The following DDAH1 variants were observed in gnomAD, a reference collection of about 807,000 sequenced individuals.
DDAH1 encodes the protein N(G),N(G)-dimethylarginine dimethylaminohydrolase 1.
A neutral mutation model predicts 28.8 loss-of-function variants in DDAH1; 19 were observed. The ratio of observed to expected loss-of-function variants is 0.66; its 90% CI spans 0.46 to 0.97. The LOEUF (loss-of-function observed/expected upper bound fraction) is 0.97, where lower values mean the gene tolerates loss of function less well. DDAH1 is among the 50% of genes least tolerant of loss of function. The pLI is 0.00. For synonymous variants in DDAH1, 153 were observed against 154.4 expected, an observed-to-expected ratio of 0.99 and a Z score of 0.07; for missense variants, 326 against 375.9, an observed-to-expected ratio of 0.87 and a Z score of 1.10.
In DDAH1 at chr1:85,410,171, C is replaced by T. The variant is rs571863004; in HGVS notation, c.304-51324G>A. Among the ~76,000 whole-genome samples, 12 of 152,202 alleles carry T rather than the reference C, an allele frequency of 7.9e-5. No homozygotes were observed. In the South Asian group the frequency reaches 1.9e-3, roughly 24 times the overall value. On this transcript the variant is annotated intron_variant, in intron 1 of 5. Coordinates refer to ENST00000284031, the MANE Select transcript of DDAH1 (RefSeq NM_012137.4). ...TGCCAAACACCTGTAGTCCCAGCTA[C>T]ACGGGAGGCCGAGGTGGGATAATCG...
At chr1:85,560,206 C>A (rs1659099972) in intron 1 of DDAH1, among the ~76,000 whole-genome samples, 1 of 152,068 alleles carries the variant, frequency 6.6e-6, no homozygotes, top group Non-Finnish European at 1.5e-5. Context: ...TGTCAATCTA[C>A]AATTCCGAAC....
intron 1 of DDAH1, among the ~76,000 whole-genome samples, chr1:85,369,222 A>AT (rs34408053): frequency 0.031 from 4,145 of 133,760 alleles, 103 homozygotes; most frequent in African/African-American, 0.069. Flanking sequence ...CCAATGGCCA[A>AT]TTTTTTTTTT....
Position 85,500,224 on chromosome 1 carries a change from TTTCC to T in DDAH1, c.-122-3947_-122-3944del, listed in dbSNP as rs201269309. The stretch of plus-strand genomic sequence containing the variant: ...CCTTTCTTCCTTCCTTCCTTTCTTT[TTTCC>T]TTCCTTCCTTCTTTCCTTCCTTCCT... On this transcript the variant is annotated intron_variant, in intron 1 of 6. Transcript: ENST00000426972. Among the ~76,000 whole-genome samples the T allele has an allele frequency of 6.8e-4, 102 of 150,850 alleles. No individual in the cohort carries two copies. The East Asian group carries it at 0.017, about 25-fold the overall frequency.
At chr1:85,530,593 G>A (rs1234591735) in intron 1 of DDAH1, among the ~76,000 whole-genome samples, 1 of 151,890 alleles carries the variant, frequency 6.6e-6, no homozygotes, top group Non-Finnish European at 1.5e-5. Flanking sequence ...CCCTTGGTCA[G>A]TTCTTCGTAA....
intron 1 of DDAH1, among the ~76,000 whole-genome samples, chr1:85,363,047 G>A (rs1268857902): frequency 5.3e-5 from 8 of 152,114 alleles, no homozygotes; most frequent in African/African-American, 1.7e-4. Context: ...ATAATAACTT[G>A]TTATAGCACT....
intron 1 of DDAH1, among the ~76,000 whole-genome samples, chr1:85,406,506 T>C (rs1314646106): frequency 6.6e-6 from 1 of 152,164 alleles, no homozygotes; most frequent in East Asian, 1.9e-4. Context: ...ATGAAACAAC[T>C]ATTATGTTTT....
chr1:85,344,567 CCCTTCAT>C (rs755254808), intron 4 of DDAH1, among the ~76,000 whole-genome samples: 3 of 107,040 alleles, frequency 2.8e-5, no homozygotes, highest in Admixed American at 1.1e-4. Context: ...TCCCTTCCCT[CCCTTCAT>C]CCTTCCCTCC....
chr1:85,554,905 C>A (rs1299860252), intron 1 of DDAH1, among the ~76,000 whole-genome samples: 2 of 152,196 alleles, frequency 1.3e-5, no homozygotes, highest in Non-Finnish European at 1.5e-5. Context: ...GTTAATAAGT[C>A]TATTAACAGG....
chr1:85,553,279 C>T (rs754808432), intron 1 of DDAH1, among the ~76,000 whole-genome samples: 34 of 152,276 alleles, frequency 2.2e-4, no homozygotes, highest in Middle Eastern at 3.4e-3. Context: ...AAACTGCTGG[C>T]CCACAAAATC....
At chr1:85,539,006 T>C (rs1449737286) in intron 1 of DDAH1, among the ~76,000 whole-genome samples, 1 of 152,118 alleles carries the variant, frequency 6.6e-6, no homozygotes, top group Non-Finnish European at 1.5e-5. Context: ...TCTTGTCTTT[T>C]CCCCCACTAT....
intron 2 of DDAH1, among the ~76,000 whole-genome samples, chr1:85,471,926 C>G (rs752009210): frequency 2.6e-5 from 4 of 152,168 alleles, no homozygotes; most frequent in Non-Finnish European, 5.9e-5. Context: ...AAATGAAGGC[C>G]TCAGAAGCAG....
chr1:85,461,508 G>A (rs759948785), intron 1 of DDAH1, among the ~76,000 whole-genome samples: 2 of 152,118 alleles, frequency 1.3e-5, no homozygotes, highest in Non-Finnish European at 2.9e-5. Context: ...AATAGAAAGA[G>A]GCAGGGACAG....
intron 4 of DDAH1, among the ~76,000 whole-genome samples, chr1:85,336,241 A>G (rs1317884442): frequency 6.6e-6 from 1 of 152,160 alleles, no homozygotes; most frequent in African/African-American, 2.4e-5. Context: ...CAGGATAGAT[A>G]TTAGGCCCCA....
intron 1 of DDAH1, among the ~76,000 whole-genome samples, chr1:85,523,896 G>A (rs1222264213): frequency 6.6e-6 from 1 of 152,076 alleles, no homozygotes; most frequent in Non-Finnish European, 1.5e-5. Flanking sequence ...GAACACAAAG[G>A]CTGAACTTTG....
intron 2 of DDAH1, among the ~76,000 whole-genome samples, chr1:85,491,751 G>T (rs1656411328): frequency 6.6e-6 from 1 of 152,078 alleles, no homozygotes; most frequent in African/African-American, 2.4e-5. Flanking sequence ...AACATATATT[G>T]GTTATCTGGT....
intron 1 of DDAH1, among the ~76,000 whole-genome samples, chr1:85,371,163 G>A (rs1650364729): frequency 1.3e-5 from 2 of 152,114 alleles, no homozygotes; most frequent in Admixed American, 6.6e-5. Flanking sequence ...GCTACTTAAC[G>A]TACATTCATT....
chr1:85,321,592 G>A, intron 5 of DDAH1, 24 bp from the exon 6 acceptor site: 1 of 1,515,016 alleles, frequency 6.6e-7, no homozygotes, highest in Non-Finnish European at 9.2e-7. Context: ...CAAGGAAAAG[G>A]AAGAAAAGAA....
At chr1:85,468,456 CGAAA>C (rs1358326849), upstream of DDAH1, among the ~76,000 whole-genome samples, 3 of 151,248 alleles carry the variant, frequency 2.0e-5, no homozygotes, top group Non-Finnish European at 4.4e-5. Flanking sequence ...TGGCAGAAGA[CGAAA>C]GAAGAGCAAA....
At chr1:85,351,220 G>T (rs982442029) in intron 3 of DDAH1, among the ~76,000 whole-genome samples, 1 of 151,948 alleles carries the variant, frequency 6.6e-6, no homozygotes, top group African/African-American at 2.4e-5. Flanking sequence ...TTAAGTTGTT[G>T]ATTGTTCCAG....
Sources: gnomAD v4.1 joint callset for allele counts (sites outside exome capture counted in the v4.1 genomes callset) on GRCh38, gnomAD v4.1.1 for gene constraint, MANE v1.5 for transcripts, NCBI Gene and HGNC (gene_info 2026-07-23, HGNC 2026-07-21) for gene names.